The following DLG2 variants were observed in gnomAD, a reference collection of about 807,000 sequenced individuals.
DLG2 encodes the protein discs large MAGUK scaffold protein 2.
In DLG2, 45 loss-of-function variants were observed where a neutral mutation model predicts 132.5. That is an observed-to-expected ratio of 0.34 (90% CI 0.27 to 0.44). The LOEUF is 0.44. Ranked by LOEUF, DLG2 falls within the 20% of genes least tolerant of loss-of-function variation. The pLI is 1.00. For synonymous variants in DLG2, 424 were observed against 419.6 expected (o/e 1.01, Z -0.13); for missense variants, 1,045 against 1,196.9 (o/e 0.87, Z 1.87).
At chr11:85,145,468 C>A (rs1299587847) in intron 5 of DLG2, among the ~76,000 whole-genome samples, 1 of 151,884 alleles carries the variant, frequency 6.6e-6, no homozygotes, top group African/African-American at 2.4e-5. Context: ...TACATTTTCC[C>A]TTTTGAGACT....
At chr11:85,571,369 T>G (rs1360964524) in intron 3 of DLG2, among the ~76,000 whole-genome samples, 1 of 152,164 alleles carries the variant, frequency 6.6e-6, no homozygotes, top group East Asian at 1.9e-4. Context: ...CTCTGAAGTT[T>G]CTTTTCCCTT....
At chr11:83,801,666 A>G (rs2044419722) in intron 17 of DLG2, among the ~76,000 whole-genome samples, 1 of 152,100 alleles carries the variant, frequency 6.6e-6, no homozygotes, top group African/African-American at 2.4e-5. Context: ...CTTTGCTGAC[A>G]ATCACATTGA....
At chr11:83,908,025 G>A (rs2154107617) in intron 15 of DLG2, among the ~76,000 whole-genome samples, 1 of 152,246 alleles carries the variant, frequency 6.6e-6, no homozygotes, top group East Asian at 1.9e-4. Flanking sequence ...TTATAAGCAA[G>A]TTTATTGGTT....
chr11:83,957,770 G>C (rs1048704875), intron 14 of DLG2, among the ~76,000 whole-genome samples: 1 of 152,076 alleles, frequency 6.6e-6, no homozygotes, highest in Admixed American at 6.6e-5. Context: ...CAGGAACACA[G>C]TAAACTTATT....
At chr11:84,611,533 T>C (rs940318987) in intron 6 of DLG2, among the ~76,000 whole-genome samples, 14 of 152,162 alleles carry the variant, frequency 9.2e-5, no homozygotes, top group Non-Finnish European at 1.9e-4. Flanking sequence ...CTGAGACTCT[T>C]GACTTTACCA....
intron 6 of DLG2, among the ~76,000 whole-genome samples, chr11:84,617,485 C>T (rs1256611919): frequency 6.6e-6 from 1 of 151,992 alleles, no homozygotes; most frequent in Non-Finnish European, 1.5e-5. Context: ...TTTATAATCC[C>T]TTGAGTACAT....
intron 6 of DLG2, among the ~76,000 whole-genome samples, chr11:84,568,338 G>T (rs1054965043): frequency 6.6e-6 from 1 of 151,940 alleles, no homozygotes; most frequent in Non-Finnish European, 1.5e-5. Flanking sequence ...GCGAAACCCC[G>T]TCTCTACTAA....
chr11:84,052,789 A>G (rs948288117), intron 11 of DLG2, among the ~76,000 whole-genome samples: 1 of 151,894 alleles, frequency 6.6e-6, no homozygotes, highest in Non-Finnish European at 1.5e-5. Flanking sequence ...ATTGTGGAAG[A>G]CAGTGTGGAA....
chr11:84,962,626 C>T (rs1309326159), intron 6 of DLG2, among the ~76,000 whole-genome samples: 1 of 152,194 alleles, frequency 6.6e-6, no homozygotes, highest in East Asian at 1.9e-4. Flanking sequence ...AAATACCATA[C>T]TGCTTAGCCC....
chr11:83,906,075 CTCTCTCTATATA>C (rs2074682074), intron 15 of DLG2, among the ~76,000 whole-genome samples: 2 of 99,924 alleles, frequency 2.0e-5, no homozygotes, highest in Admixed American at 9.7e-5. Flanking sequence ...CTCTCTCTCT[CTCTCTCTATATA>C]TATATATATA....
intron 11 of DLG2, among the ~76,000 whole-genome samples, chr11:83,998,378 C>T (rs1565972433): frequency 1.3e-5 from 2 of 152,106 alleles, no homozygotes. Flanking sequence ...TCCTCCACAC[C>T]AAAGAACCAA....
At chr11:85,115,586 G>A (rs1268477358) in intron 5 of DLG2, among the ~76,000 whole-genome samples, 1 of 151,930 alleles carries the variant, frequency 6.6e-6, no homozygotes, top group Non-Finnish European at 1.5e-5. Context: ...ACAAGCGTAA[G>A]GGAAAATTAT....
At chr11:84,705,067 C>T (rs1207922973) in intron 6 of DLG2, among the ~76,000 whole-genome samples, 1 of 151,608 alleles carries the variant, frequency 6.6e-6, no homozygotes, top group African/African-American at 2.4e-5. Flanking sequence ...CTCTTAGCAA[C>T]AGTCTTTAGC....
chr11:83,749,603 C>T (rs1026896288), intron 18 of DLG2, among the ~76,000 whole-genome samples: 1 of 152,164 alleles, frequency 6.6e-6, no homozygotes, highest in Non-Finnish European at 1.5e-5. Context: ...CCAGCCTGCA[C>T]CCCAGCTGTA....
At chr11:85,589,887 A>G (rs1445401928) in intron 3 of DLG2, among the ~76,000 whole-genome samples, 1 of 152,020 alleles carries the variant, frequency 6.6e-6, no homozygotes. Flanking sequence ...CATTCTGCTC[A>G]AGAGAGTTTG....
intron 3 of DLG2, among the ~76,000 whole-genome samples, chr11:85,592,876 C>T (rs2079459867): frequency 6.6e-6 from 1 of 151,586 alleles, no homozygotes; most frequent in Non-Finnish European, 1.5e-5. Flanking sequence ...TTGCTTGACC[C>T]CAGAAAGCAG....
At chr11:84,354,997 T>C (rs541358956) in intron 7 of DLG2, among the ~76,000 whole-genome samples, 1 of 152,202 alleles carries the variant, frequency 6.6e-6, no homozygotes, top group African/African-American at 2.4e-5. Flanking sequence ...ATAGCAAGCA[T>C]GACTTCTCTC....
chr11:84,515,949 C>G (rs568369054), intron 7 of DLG2, among the ~76,000 whole-genome samples: 1 of 149,850 alleles, frequency 6.7e-6, no homozygotes, highest in Non-Finnish European at 1.5e-5. Context: ...GGAAAATTCA[C>G]AAATAAACAT....
At chr11:85,258,722 A>T (rs1283762005) in intron 4 of DLG2, among the ~76,000 whole-genome samples, 1 of 152,220 alleles carries the variant, frequency 6.6e-6, no homozygotes, top group Non-Finnish European at 1.5e-5. Context: ...CAAAGGTGTG[A>T]TTATTATGGA....
Sources: gnomAD v4.1 joint callset for allele counts (sites outside exome capture counted in the v4.1 genomes callset) on GRCh38, gnomAD v4.1.1 for gene constraint, MANE v1.5 for transcripts, NCBI Gene and HGNC (gene_info 2026-07-23, HGNC 2026-07-21) for gene names.